TMEM132C: variants seen among roughly 807,000 people sequenced by gnomAD.
TMEM132C encodes the protein transmembrane protein 132C, also known as protein phosphatase 1, regulatory subunit 152.
A neutral mutation model predicts 61.4 loss-of-function variants in TMEM132C; 29 were observed. That is an observed-to-expected ratio of 0.47 (90% confidence interval 0.35 to 0.64). The LOEUF (loss-of-function observed/expected upper bound fraction) is 0.64, where lower values mean the gene tolerates loss of function less well. Ranked by LOEUF, TMEM132C falls within the 30% of genes least tolerant of loss-of-function variation. The pLI, the probability that TMEM132C is intolerant of heterozygous loss-of-function variation, is 0.00. For missense variants in TMEM132C, 1,408 were observed against 1,476.9 expected (o/e 0.95, Z 0.76); for synonymous variants, 656 against 633.1 (o/e 1.04, Z -0.54).
At chr12:128,436,569 A>C (rs1869599174) in intron 2 of TMEM132C, among the ~76,000 whole-genome samples, 3 of 152,390 alleles carry the variant, frequency 2.0e-5, no homozygotes, top group Admixed American at 2.0e-4. Flanking sequence ...TGGTCATCAG[A>C]GAAATGCAAA....
rs1282415852 is a variant in TMEM132C at position 128,326,837 on chromosome 12, A to G, written c.85+59350A>G. Among the ~76,000 whole-genome samples the G allele has an allele frequency of 2.8e-5, 4 of 142,034 alleles. No homozygotes were observed. The highest frequency in any genetic ancestry group is 5.9e-5 in the Non-Finnish European group (4 of 67,968). 93.2% of individuals were successfully genotyped at this position (142,034 alleles called of 152,430 possible). A position where few individuals can be genotyped will look rare whatever the true frequency, so the allele number is the denominator to read the frequency against. Reference sequence around the variant, plus strand: ...TTAACAACGTAGTAAAACAGCACTCAGGAATTAATTGTATTTTTAATAAAG... The same window carrying G: ...TTAACAACGTAGTAAAACAGCACTCGGGAATTAATTGTATTTTTAATAAAG... On this transcript the variant is annotated intron_variant, in intron 1 of 8. Coordinates refer to ENST00000435159, the MANE Select transcript of TMEM132C (RefSeq NM_001136103.3). The surrounding 1 kb of genome is among the most constrained non-coding windows in gnomAD (Gnocchi z 5.6).
At chr12:128,637,146 T>C (rs145573555) in intron 4 of TMEM132C, among the ~76,000 whole-genome samples, 3 of 152,310 alleles carry the variant, frequency 2.0e-5, no homozygotes, top group Non-Finnish European at 4.4e-5. Flanking sequence ...CTGGATCACA[T>C]GGTAGTTTTA....
At chr12:128,598,629 C>A (rs1253557920) in intron 3 of TMEM132C, among the ~76,000 whole-genome samples, 1 of 152,070 alleles carries the variant, frequency 6.6e-6, no homozygotes, top group Non-Finnish European at 1.5e-5. Context: ...CCAATGGCCC[C>A]TCTTCCTAAA....
At chr12:128,487,343 GA>G (rs1424067818) in intron 2 of TMEM132C, among the ~76,000 whole-genome samples, 3 of 152,066 alleles carry the variant, frequency 2.0e-5, no homozygotes, top group Non-Finnish European at 4.4e-5. Context: ...TTCTAGCCCT[GA>G]AATGAAGAAC....
chr12:128,480,638 G>A (rs535533426), intron 2 of TMEM132C, among the ~76,000 whole-genome samples: 9 of 152,282 alleles, frequency 5.9e-5, no homozygotes, highest in South Asian at 4.1e-4. Flanking sequence ...TGAGGACCGC[G>A]TCAGAGCTGA....
rs73436628 is a variant in TMEM132C, at chr12:128,383,537, C to T, written c.86-31195C>T. On this transcript the variant is annotated intron_variant, in intron 1 of 8. Coordinates refer to ENST00000435159, the MANE Select transcript of TMEM132C (RefSeq NM_001136103.3). ...TCCCGGGATTCAGGGCAAGATAAAG[C>T]AGGTCAGATTAATGACACAAAGCCC... 3.5e-3 allele frequency among the ~76,000 whole-genome samples: 527 copies of T among 152,240 alleles called. 2 individuals carry two copies. The highest frequency in any genetic ancestry group is 0.012 in the African/African-American group (488 of 41,530).
chr12:128,316,495 T>C (rs1286200157), intron 1 of TMEM132C, among the ~76,000 whole-genome samples: 1 of 152,174 alleles, frequency 6.6e-6, no homozygotes, highest in East Asian at 1.9e-4. Context: ...AGAAAGGAAC[T>C]GAGTGAGGGC....
At chr12:128,503,682 G>A (rs1353531570) in intron 2 of TMEM132C, among the ~76,000 whole-genome samples, 1 of 152,216 alleles carries the variant, frequency 6.6e-6, no homozygotes, top group Non-Finnish European at 1.5e-5. Flanking sequence ...AATGTCATGA[G>A]GAAGGTTCTA....
At chr12:128,703,663 GTTGACT>G (rs1453310042) in intron 8 of TMEM132C, among the ~76,000 whole-genome samples, 22 of 152,316 alleles carry the variant, frequency 1.4e-4, no homozygotes, top group Admixed American at 1.4e-3. Flanking sequence ...TGCCATTTAG[GTTGACT>G]TTGTGTCTTC....
intron 2 of TMEM132C, among the ~76,000 whole-genome samples, chr12:128,533,404 A>G (rs1321641234): frequency 6.6e-6 from 1 of 152,162 alleles, no homozygotes. Context: ...TCCATTTTCT[A>G]GGGCTGCTGT....
At chr12:128,298,777 T>C (rs754376378) in intron 1 of TMEM132C, among the ~76,000 whole-genome samples, 17 of 152,234 alleles carry the variant, frequency 1.1e-4, no homozygotes, top group Admixed American at 9.2e-4. Context: ...AGCTGCCTTC[T>C]TTGGGGGAAT....
chr12:128,495,289 G>T (rs1195684908), intron 2 of TMEM132C, among the ~76,000 whole-genome samples: 2 of 152,020 alleles, frequency 1.3e-5, no homozygotes, highest in Non-Finnish European at 2.9e-5. Flanking sequence ...GTGTGATGTG[G>T]TGCTGAGAAG....
At chr12:128,352,972 A>G (rs1246531199) in intron 1 of TMEM132C, among the ~76,000 whole-genome samples, 1 of 152,184 alleles carries the variant, frequency 6.6e-6, no homozygotes, top group African/African-American at 2.4e-5. Flanking sequence ...GGAGGGAAGC[A>G]GGGTCTCAGG....
At chr12:128,575,810 G>A (rs776104059) in intron 3 of TMEM132C, among the ~76,000 whole-genome samples, 63 of 152,234 alleles carry the variant, frequency 4.1e-4, no homozygotes, top group Admixed American at 2.0e-4. Context: ...TAACAGGAAA[G>A]ATGTGTTCCA....
intron 3 of TMEM132C, among the ~76,000 whole-genome samples, chr12:128,554,452 T>C (rs1055403939): frequency 2.6e-5 from 4 of 152,242 alleles, no homozygotes; most frequent in African/African-American, 9.6e-5. Context: ...CAGAAATCTT[T>C]CAATTTTTTA....
chr12:128,639,274 G>A (rs1243092858), intron 4 of TMEM132C, among the ~76,000 whole-genome samples: 1 of 151,202 alleles, frequency 6.6e-6, no homozygotes, highest in Non-Finnish European at 1.5e-5. Flanking sequence ...TGATGATGGT[G>A]TTGATAATGA....
intron 2 of TMEM132C, among the ~76,000 whole-genome samples, chr12:128,424,950 C>G (rs796802460): frequency 7.9e-5 from 12 of 152,234 alleles, no homozygotes; most frequent in African/African-American, 2.9e-4. Flanking sequence ...ATTTAGAAAC[C>G]CCCTCAACAT....
chr12:128,442,911 G>A (rs1319666296), intron 2 of TMEM132C, among the ~76,000 whole-genome samples: 1 of 152,042 alleles, frequency 6.6e-6, no homozygotes. Flanking sequence ...CCTGGCAATT[G>A]GAGAAATTTG....
At chr12:128,568,192 A>G (rs572205385) in intron 3 of TMEM132C, among the ~76,000 whole-genome samples, 1 of 152,216 alleles carries the variant, frequency 6.6e-6, no homozygotes. Flanking sequence ...TCATCTTGCC[A>G]TTAAAGAAGG....
Sources: allele counts gnomAD v4.1 joint callset (sites outside exome capture counted in the v4.1 genomes callset), GRCh38; gene constraint gnomAD v4.1.1; non-coding constraint Gnocchi (gnomAD v3.1); transcripts MANE v1.5; gene names NCBI Gene and HGNC (gene_info 2026-07-23, HGNC 2026-07-21).